IKZF3: variants seen among roughly 807,000 people sequenced by gnomAD.
The protein encoded by IKZF3 is IKAROS family zinc finger 3.
A neutral mutation model predicts 49.0 loss-of-function variants in IKZF3; 10 were observed. The ratio of observed to expected loss-of-function variants is 0.20; its 90% CI spans 0.13 to 0.35. IKZF3 has a LOEUF of 0.35. IKZF3 is among the 10% of genes least tolerant of loss of function. IKZF3 has a pLI of 1.00. For missense variants in IKZF3, 498 were observed against 664.8 expected, an observed-to-expected ratio of 0.75 and a Z score of 2.76; for synonymous variants, 209 against 228.2, an observed-to-expected ratio of 0.92 and a Z score of 0.76.
intron 7 of IKZF3, among the ~76,000 whole-genome samples, chr17:39,769,215 C>T (rs34758895): frequency 0.11 from 17,056 of 152,130 alleles, 2,108 homozygotes; most frequent in African/African-American, 0.31. Flanking sequence ...GGTGTGAATC[C>T]GAACCAAGAG....
intron 3 of IKZF3, among the ~76,000 whole-genome samples, chr17:39,801,192 G>T (rs981436366): frequency 2.0e-5 from 3 of 152,070 alleles, no homozygotes; most frequent in African/African-American, 7.2e-5. Context: ...CAAGGATCGG[G>T]GGTCATAACC....
intron 3 of IKZF3, among the ~76,000 whole-genome samples, chr17:39,826,562 G>A (rs1259359003): frequency 2.0e-5 from 3 of 152,224 alleles, no homozygotes; most frequent in Non-Finnish European, 4.4e-5. Context: ...GAGTGCAATG[G>A]AAACTTGGCA....
chr17:39,765,621 A>C lies in IKZF3; in HGVS notation c.*169T>G. The stretch of plus-strand genomic sequence containing the variant: ...GTAATAATATGCTAGACCTGCGAAT[A>C]ATTTCTGAAGGAAGACAGTGTTTCC... On this transcript the variant is annotated 3_prime_UTR_variant, in exon 8 of 8. Coordinates refer to ENST00000346872, the MANE Select transcript of IKZF3 (RefSeq NM_012481.5). 1.8e-6 allele frequency: 1 copy of C among 559,882 alleles called. No individual in the cohort carries two copies. Among genetic ancestry groups the C allele is most frequent in the South Asian group, 2.6e-5 (1 of 38,376 alleles). The allele number at this position is 559,882 out of a possible 1,614,324, so 34.7% of individuals were successfully genotyped here.
intron 6 of IKZF3, among the ~76,000 whole-genome samples, chr17:39,783,845 C>T (rs1195186487): frequency 1.3e-5 from 2 of 152,248 alleles, no homozygotes; most frequent in East Asian, 3.9e-4. Flanking sequence ...AGGAGAATTG[C>T]TTGAACCCAG....
chr17:39,858,984 ATTT>A (rs1284599447), intron 1 of IKZF3, among the ~76,000 whole-genome samples: 1 of 151,668 alleles, frequency 6.6e-6, no homozygotes, highest in Non-Finnish European at 1.5e-5. Flanking sequence ...TTTTATTATT[ATTT>A]TTTATGAAAC....
chr17:39,857,968 A>G (rs1193655252), intron 1 of IKZF3, among the ~76,000 whole-genome samples: 3 of 152,008 alleles, frequency 2.0e-5, no homozygotes, highest in Admixed American at 2.0e-4. Flanking sequence ...AAATTAAAAA[A>G]AAAAAAAAAG....
At chr17:39,782,380 G>A (rs1457277866) in intron 6 of IKZF3, among the ~76,000 whole-genome samples, 1 of 151,812 alleles carries the variant, frequency 6.6e-6, no homozygotes, top group Non-Finnish European at 1.5e-5. Context: ...GGAACACAGT[G>A]AGCCCTGTCT....
intron 3 of IKZF3, among the ~76,000 whole-genome samples, chr17:39,816,503 C>T (rs1034454025): frequency 3.3e-5 from 5 of 152,180 alleles, no homozygotes; most frequent in Non-Finnish European, 7.3e-5. Flanking sequence ...ATTTATGTAT[C>T]TTCTACAGTT....
Position 39,788,293 on chromosome 17 carries a change from C to CAA in IKZF3, c.673_674insTT (p.Arg225LeufsTer36). The CAA allele has an allele frequency of 6.2e-7, 1 of 1,613,516 alleles. No individual in the cohort carries two copies. Among genetic ancestry groups the CAA allele is most frequent in the South Asian group, 1.1e-5 (1 of 91,062 alleles). On this transcript the variant is annotated frameshift_variant, in exon 6 of 8. Coordinates refer to ENST00000346872, the MANE Select transcript of IKZF3 (RefSeq NM_012481.5). LOFTEE classifies it high-confidence loss of function. ...TGGGTCAGTGCTCTGAAGAAATGTA[C>CAA]GGCAGCGCTCCTTGTGCTCCTCAAG... is the stretch of plus-strand genomic sequence containing the variant.
intron 7 of IKZF3, among the ~76,000 whole-genome samples, chr17:39,766,768 T>TA (rs1405373674): frequency 6.6e-6 from 1 of 152,078 alleles, no homozygotes; most frequent in Non-Finnish European, 1.5e-5. Flanking sequence ...CTGTGCATGT[T>TA]AGAGGAGAGC....
chr17:39,835,415 G>T, intron 1 of IKZF3: 1 of 472,042 alleles, frequency 2.1e-6, no homozygotes, highest in Non-Finnish European at 4.2e-6. Flanking sequence ...GCGGCCTCCA[G>T]GGAAGCCCTC....
chr17:39,822,685 C>T (rs1280063355), intron 3 of IKZF3, among the ~76,000 whole-genome samples: 1 of 151,392 alleles, frequency 6.6e-6, no homozygotes, highest in South Asian at 2.1e-4. Flanking sequence ...TGGATTCACA[C>T]CATTCTCCTG....
Position 39,765,551 on chromosome 17 carries a change from C to A in IKZF3, c.*239G>T, listed in dbSNP as rs538477840. 2.2e-6 allele frequency: 1 copy of A among 453,034 alleles called. No homozygotes were observed. The highest frequency in any genetic ancestry group is 3.4e-5 in the East Asian group (1 of 29,166). 28.1% of individuals were successfully genotyped at this position (453,034 alleles called of 1,614,324 possible). Reference sequence around the variant, plus strand: ...CAAATACCTTTTTGGCTTTTAAATTCCATAAAATTCAAGTCCCTGATGGGA... The same window carrying A: ...CAAATACCTTTTTGGCTTTTAAATTACATAAAATTCAAGTCCCTGATGGGA... On this transcript the variant is annotated 3_prime_UTR_variant, in exon 8 of 8. Coordinates refer to ENST00000346872, the MANE Select transcript of IKZF3 (RefSeq NM_012481.5).
intron 6 of IKZF3, among the ~76,000 whole-genome samples, chr17:39,780,544 T>A (rs1483715902): frequency 1.3e-5 from 2 of 151,602 alleles, no homozygotes; most frequent in East Asian, 1.9e-4. Flanking sequence ...AAAAAAAAAA[T>A]TATTAGTCTC....
intron 1 of IKZF3, among the ~76,000 whole-genome samples, chr17:39,846,374 T>C (rs1197249880): frequency 6.6e-6 from 1 of 152,158 alleles, no homozygotes; most frequent in Non-Finnish European, 1.5e-5. Flanking sequence ...CTTCATCACA[T>C]GCTTACTAAG....
rs572299405 is a variant in IKZF3, at chr17:39,862,112, G to A, written c.7+2008C>T. Among the ~76,000 whole-genome samples, 3 of 152,226 alleles carry A rather than the reference G, an allele frequency of 2.0e-5. No homozygotes were observed. In the South Asian group the frequency reaches 6.2e-4, roughly 32 times the overall value. The stretch of plus-strand genomic sequence containing the variant: ...TAGAAAATATTTAAGGTCACAGATT[G>A]TGAGAAAATTAAAAAGTTATAGCTT... On this transcript the variant is annotated intron_variant, in intron 1 of 7. Transcript: ENST00000346872.
intron 3 of IKZF3, among the ~76,000 whole-genome samples, chr17:39,816,705 A>G (rs550214601): frequency 6.6e-6 from 1 of 152,280 alleles, no homozygotes; most frequent in South Asian, 2.1e-4. Flanking sequence ...GTTCAAAGTT[A>G]ATACTTTTGT....
chr17:39,768,134 G>C (rs1173960774), intron 7 of IKZF3, among the ~76,000 whole-genome samples: 1 of 152,144 alleles, frequency 6.6e-6, no homozygotes, highest in Non-Finnish European at 1.5e-5. Context: ...AGGCATTTAG[G>C]CAGGGAAGTA....
rs375962857 is a variant in IKZF3 at position 39,791,261 on chromosome 17, A to C, written c.592+155T>G. 3.2e-4 allele frequency among the ~76,000 whole-genome samples: 48 copies of C among 152,244 alleles called. No individual in the cohort carries two copies. The South Asian group carries it at 1.0e-2, about 32-fold the overall frequency. On this transcript the variant is annotated intron_variant, in intron 5 of 7. Transcript: ENST00000346872. ...CAGACGGAGAGCAATTAGTGCCTTA[A>C]TGGTCGTGTAATTAGCCCTAGAGGT...
Sources: gnomAD v4.1 joint callset for allele counts (sites outside exome capture counted in the v4.1 genomes callset) on GRCh38, gnomAD v4.1.1 for gene constraint, MANE v1.5 for transcripts, NCBI Gene and HGNC (gene_info 2026-07-23, HGNC 2026-07-21) for gene names.